ANKRD11: variants seen among roughly 807,000 people sequenced by gnomAD.
The protein encoded by ANKRD11 is ankyrin repeat domain-containing protein 11.
Under a neutral mutation model 195.7 loss-of-function variants are expected in ANKRD11, and 17 were observed. The ratio of observed to expected loss-of-function variants is 0.09; its 90% CI spans 0.06 to 0.13. The LOEUF is 0.13. ANKRD11 is among the 10% of genes least tolerant of loss of function. The pLI is 1.00. For synonymous variants in ANKRD11, 1,953 were observed against 1,528.1 expected (o/e 1.28, Z -6.49); for missense variants, 3,735 against 3,566.1 (o/e 1.05, Z -1.21).
chr16:89,280,210 T>G lies in ANKRD11; in HGVS notation c.6332A>C (p.His2111Pro). 1 of 1,607,724 alleles carries G rather than the reference T, an allele frequency of 6.2e-7. No individual in the cohort carries two copies. The highest frequency in any genetic ancestry group is 8.5e-7 in the Non-Finnish European group (1 of 1,179,032). Reference sequence around the variant, plus strand: ...GGGCACCGGCTCCACCTGGCCGAGGTGAGACAGGCCGCGGCTGCCGTCCAG... The same window carrying G: ...GGGCACCGGCTCCACCTGGCCGAGGGGAGACAGGCCGCGGCTGCCGTCCAG... ...SFLDGSRGLSHLGQVEPVPWA... is the reference protein window; with the variant it reads ...SFLDGSRGLSPLGQVEPVPWA... Residue 2111 changes from histidine to proline, a missense_variant, in exon 9 of 13, where the codon CAC (histidine) becomes CCC (proline). Physicochemically the swap from His to Pro is moderately conservative, Grantham distance 77. Coordinates refer to ENST00000301030, the MANE Select transcript of ANKRD11 (RefSeq NM_013275.6).
intron 1 of ANKRD11, among the ~76,000 whole-genome samples, chr16:89,463,538 G>A (rs1364850840): frequency 6.6e-6 from 1 of 152,144 alleles, no homozygotes; most frequent in East Asian, 1.9e-4. Flanking sequence ...CACTGCGGAA[G>A]GCCGCAGGGT....
intron 4 of ANKRD11, among the ~76,000 whole-genome samples, chr16:89,302,894 G>T (rs1309020015): frequency 6.6e-6 from 1 of 152,174 alleles, no homozygotes; most frequent in East Asian, 1.9e-4. Flanking sequence ...AGCACCCAGG[G>T]CTGTGGCAGA....
In ANKRD11 at chr16:89,290,704, T is replaced by C; in HGVS notation, c.522A>G (p.Arg174=). Residue 174 remains arginine (R), a synonymous_variant, in exon 6 of 13, where the codon CGA becomes CGG. Coordinates refer to ENST00000301030, the MANE Select transcript of ANKRD11 (RefSeq NM_013275.6). The part of the protein sequence containing the change: ...RNERGETRLH[R]AAIRGDARRI... ...GCCGGGCGTCCCCGCGGATGGCGGCTCGGTGCAGGCGGGTCTCTCCACGCT... is the reference window on the plus strand; with the variant it reads ...GCCGGGCGTCCCCGCGGATGGCGGCCCGGTGCAGGCGGGTCTCTCCACGCT... 1 of 1,614,120 alleles carries C rather than the reference T, an allele frequency of 6.2e-7. No homozygotes were observed. The highest frequency in any genetic ancestry group is 2.2e-5 in the East Asian group (1 of 44,880).
Position 89,348,079 on chromosome 16 carries a change from G to A in ANKRD11, c.-59-31001C>T, listed in dbSNP as rs141114332. Among the ~76,000 whole-genome samples the A allele has an allele frequency of 5.0e-3, 758 of 151,952 alleles. 5 individuals carry two copies. Among genetic ancestry groups the A allele is most frequent in the African/African-American group, 0.018 (732 of 41,414 alleles). On this transcript the variant is annotated intron_variant, in intron 2 of 12. Coordinates refer to ENST00000301030, the MANE Select transcript of ANKRD11 (RefSeq NM_013275.6). Reference sequence around the variant, plus strand: ...CTCCAGGGTAACTGGGACTACAGGCGCGCCACCCTGCCCAGCTCATTTTTG... The same window carrying A: ...CTCCAGGGTAACTGGGACTACAGGCACGCCACCCTGCCCAGCTCATTTTTG...
chr16:89,446,739 T>G (rs1281139684), intron 1 of ANKRD11, among the ~76,000 whole-genome samples: 1 of 152,146 alleles, frequency 6.6e-6, no homozygotes, highest in Non-Finnish European at 1.5e-5. Flanking sequence ...GCCACAGCCA[T>G]GCCCAGCAAG....
rs2151784749 is a variant in ANKRD11 at position 89,288,801 on chromosome 16, TG to T, written c.602-132del. 6 of 1,306,892 alleles carry T rather than the reference TG, an allele frequency of 4.6e-6. No homozygotes were observed. In the South Asian group the frequency reaches 7.3e-5, roughly 16 times the overall value. 81.0% of individuals were successfully genotyped at this position (1,306,892 alleles called of 1,614,324 possible). ...TGGGGAGCTGCCCTGTAGTGAGGGCTGCAGTTTAGGGAAGCAGGTGCTGGCC... is the reference window on the plus strand; with the variant it reads ...TGGGGAGCTGCCCTGTAGTGAGGGCTCAGTTTAGGGAAGCAGGTGCTGGCC... On this transcript the variant is annotated intron_variant, in intron 6 of 12. Transcript: ENST00000301030.
chr16:89,377,729 T>C (rs1020073183), intron 2 of ANKRD11, among the ~76,000 whole-genome samples: 23 of 152,124 alleles, frequency 1.5e-4, no homozygotes, highest in African/African-American at 4.3e-4. Context: ...GTCTGTGACA[T>C]GGGCACTGAA....
chr16:89,452,779 CAAAAAAAAAAAA>C lies in ANKRD11; in HGVS notation c.-144-34423_-144-34412del, dbSNP rs11401095. Among the ~76,000 whole-genome samples the C allele has an allele frequency of 5.4e-5, 4 of 73,488 alleles. No homozygotes were observed. The East Asian group carries it at 1.6e-3, about 30-fold the overall frequency. The allele number at this position is 73,488 out of a possible 152,430, so 48.2% of individuals were successfully genotyped here. A position where few individuals can be genotyped will look rare whatever the true frequency, so the allele number is the denominator to read the frequency against. On this transcript the variant is annotated intron_variant, in intron 1 of 12. Coordinates refer to ENST00000301030, the MANE Select transcript of ANKRD11 (RefSeq NM_013275.6). ...TAGGCAACAGAGAGAGACTCTATCT[CAAAAAAAAAAAA>C]AAAAAAAAAAGAATACTTTGATGGT... is the stretch of plus-strand genomic sequence containing the variant.
intron 1 of ANKRD11, among the ~76,000 whole-genome samples, chr16:89,488,872 C>G (rs2057709405): frequency 6.6e-6 from 1 of 152,180 alleles, no homozygotes; most frequent in Non-Finnish European, 1.5e-5. Flanking sequence ...CCATAAAACC[C>G]TGTTCTTGCA....
At chr16:89,337,052 GGTGCACACCTGCA>G in intron 2 of ANKRD11, among the ~76,000 whole-genome samples, 1 of 150,480 alleles carries the variant, frequency 6.6e-6, no homozygotes, top group South Asian at 2.1e-4. Context: ...CAGGTGTGGT[GGTGCACACCTGCA>G]GTCCCAGCTA....
chr16:89,373,242 G>A (rs1257161468), intron 2 of ANKRD11: 1 of 152,252 alleles, frequency 6.6e-6, no homozygotes, highest in Non-Finnish European at 1.5e-5. Flanking sequence ...AGCTGAACTT[G>A]AACAAAAACA....
chr16:89,288,359 A>C, intron 7 of ANKRD11, 169 bp downstream of exon 7: 1 of 1,109,564 alleles, frequency 9.0e-7, no homozygotes, highest in Non-Finnish European at 1.3e-6. Flanking sequence ...CCAGAAGGGG[A>C]AAGCTGGGGG....
intron 2 of ANKRD11, among the ~76,000 whole-genome samples, chr16:89,364,483 G>C (rs893849050): frequency 6.0e-4 from 92 of 152,324 alleles, no homozygotes; most frequent in African/African-American, 2.1e-3. Context: ...TTTAACTCCA[G>C]AGCAGAGCCT....
intron 1 of ANKRD11, among the ~76,000 whole-genome samples, chr16:89,452,641 G>A (rs1409056494): frequency 6.6e-6 from 1 of 151,944 alleles, no homozygotes; most frequent in Non-Finnish European, 1.5e-5. Flanking sequence ...GCCGAGTGTG[G>A]TGGCGGGAGC....
chr16:89,427,258 C>T lies in ANKRD11; in HGVS notation c.-144-8890G>A, dbSNP rs377145819. Reference sequence around the variant, plus strand: ...ACCACAAAACACTGTTGAAAGAAACCGAAGACCTAAATAAGTGGAGGGAAA... The same window carrying T: ...ACCACAAAACACTGTTGAAAGAAACTGAAGACCTAAATAAGTGGAGGGAAA... On this transcript the variant is annotated intron_variant, in intron 1 of 12. Transcript: ENST00000301030. Among the ~76,000 whole-genome samples, 17 of 152,200 alleles carry T rather than the reference C, an allele frequency of 1.1e-4. 1 individual carries two copies. Among genetic ancestry groups the T allele is most frequent in the African/African-American group, 2.4e-4 (10 of 41,506 alleles).
At chr16:89,344,805 G>C (rs2038862041) in intron 2 of ANKRD11, among the ~76,000 whole-genome samples, 1 of 152,186 alleles carries the variant, frequency 6.6e-6, no homozygotes, top group Non-Finnish European at 1.5e-5. Flanking sequence ...TGGAGCAGCA[G>C]CTCCCACCCA....
intron 2 of ANKRD11, among the ~76,000 whole-genome samples, chr16:89,417,993 G>A (rs2042373133): frequency 1.3e-5 from 2 of 152,220 alleles, no homozygotes; most frequent in African/African-American, 4.8e-5. Flanking sequence ...AAAATTAAAG[G>A]AGGACAAGAG....
chr16:89,397,357 G>A (rs1015766784), intron 2 of ANKRD11, among the ~76,000 whole-genome samples: 5 of 152,206 alleles, frequency 3.3e-5, no homozygotes, highest in African/African-American at 1.2e-4. Flanking sequence ...AACTGGATGC[G>A]CATTTACAAA....
At chr16:89,450,152 T>TCTGACTCTGACC (rs1206653440) in intron 1 of ANKRD11, among the ~76,000 whole-genome samples, 1 of 152,202 alleles carries the variant, frequency 6.6e-6, no homozygotes, top group Non-Finnish European at 1.5e-5. Context: ...AGTACATGAT[T>TCTGACTCTGACC]CTGACTCTGA....
Sources: allele counts gnomAD v4.1 joint callset (sites outside exome capture counted in the v4.1 genomes callset), GRCh38; gene constraint gnomAD v4.1.1; transcripts MANE v1.5; gene names NCBI Gene and HGNC (gene_info 2026-07-23, HGNC 2026-07-21).